Variants in TM2D1 observed in about 807,000 individuals in gnomAD.
The protein encoded by TM2D1 is TM2 domain containing 1, also known as TM2 domain-containing protein 1.
Under a neutral mutation model 28.4 loss-of-function variants are expected in TM2D1, and 15 were observed. The observed-to-expected ratio is 0.53, with a 90% confidence interval of 0.35 to 0.81. The LOEUF is 0.81. Among genes scored for constraint, TM2D1 ranks in the 40% least tolerant of loss-of-function variants. The pLI is 0.01. For missense variants in TM2D1, 236 were observed against 254.9 expected (o/e 0.93, Z 0.50); for synonymous variants, 93 against 96.2 (o/e 0.97, Z 0.20).
intron 2 of TM2D1, among the ~76,000 whole-genome samples, chr1:61,710,125 C>T (rs1644466477): frequency 1.3e-5 from 2 of 152,030 alleles, no homozygotes; most frequent in Non-Finnish European, 1.5e-5. Flanking sequence ...CCTTTCAGAA[C>T]CTTCGATTCT....
intron 2 of TM2D1, among the ~76,000 whole-genome samples, chr1:61,713,482 C>CAAAAAAA (rs1408870622): frequency 3.4e-5 from 1 of 29,792 alleles, no homozygotes; most frequent in African/African-American, 1.3e-4. Context: ...CCCCGCAACT[C>CAAAAAAA]AAAAACAAAA....
rs574487006 is a variant in TM2D1, at chr1:61,714,210, C to T, written c.239-4773G>A. 1.4e-4 allele frequency among the ~76,000 whole-genome samples: 20 copies of T among 147,074 alleles called. No individual in the cohort carries two copies. In the South Asian group the frequency reaches 4.6e-3, roughly 34 times the overall value. On this transcript the variant is annotated intron_variant, in intron 2 of 6. Transcript: ENST00000606498. ...GCGCCCGGCCAAAAACCAAATATTTCTAGGTGAGTTGAAAATGCCTGGTAA... is the reference window on the plus strand; with the variant it reads ...GCGCCCGGCCAAAAACCAAATATTTTTAGGTGAGTTGAAAATGCCTGGTAA...
intron 2 of TM2D1, among the ~76,000 whole-genome samples, chr1:61,721,225 T>C (rs1334012963): frequency 1.3e-5 from 2 of 151,472 alleles, no homozygotes; most frequent in Non-Finnish European, 2.9e-5. Flanking sequence ...AGTGAGATCC[T>C]GTCTTAAAAA....
chr1:61,685,378 A>T (rs1644278013), intron 5 of TM2D1, among the ~76,000 whole-genome samples: 1 of 152,258 alleles, frequency 6.6e-6, no homozygotes, highest in South Asian at 2.1e-4. Context: ...AACTTATGAT[A>T]GAAAACTTAA....
intron 3 of TM2D1, among the ~76,000 whole-genome samples, chr1:61,708,093 G>A (rs1036508199): frequency 3.3e-5 from 5 of 152,104 alleles, no homozygotes; most frequent in African/African-American, 1.2e-4. Flanking sequence ...TAGAGACAGG[G>A]TCTCTACTCT....
At chr1:61,710,845 T>C (rs114361608) in intron 2 of TM2D1, among the ~76,000 whole-genome samples, 2,783 of 152,188 alleles carry the variant, frequency 0.018, 91 homozygotes, top group African/African-American at 0.065. Context: ...GCAAGAATAG[T>C]ACACTGAGAA....
At position 61,725,135 on chromosome 1, in the gene TM2D1, C is replaced by G. The variant is rs781204490; in HGVS notation, c.-15G>C. ...GCGGCCGCCATCTTGGAGACCGACACTTTCTCGCCACTTCCGCTTCCGCCT... is the reference window on the plus strand; with the variant it reads ...GCGGCCGCCATCTTGGAGACCGACAGTTTCTCGCCACTTCCGCTTCCGCCT... On this transcript the variant is annotated 5_prime_UTR_variant, in exon 1 of 7. Coordinates refer to ENST00000606498, the MANE Select transcript of TM2D1 (RefSeq NM_032027.3). The G allele has an allele frequency of 6.2e-7, 1 of 1,613,230 alleles. No homozygotes were observed. The highest frequency in any genetic ancestry group is 8.5e-7 in the Non-Finnish European group (1 of 1,179,794).
intron 3 of TM2D1, among the ~76,000 whole-genome samples, chr1:61,706,996 TG>T (rs1644446416): frequency 6.6e-6 from 1 of 152,226 alleles, no homozygotes. Context: ...GGCTCATGCC[TG>T]TGATCCCAGC....
chr1:61,686,535 C>G (rs1194824618), intron 5 of TM2D1, among the ~76,000 whole-genome samples: 3 of 151,898 alleles, frequency 2.0e-5, no homozygotes, highest in African/African-American at 7.3e-5. Flanking sequence ...CGGTGGTGCA[C>G]ACCTGTAATC....
At position 61,723,714 on chromosome 1, in the gene TM2D1, A is replaced by G. The variant is rs769270086; in HGVS notation, c.237T>C (p.His79=). The G allele has an allele frequency of 6.6e-6, 10 of 1,511,160 alleles. No homozygotes were observed. In the South Asian group the frequency reaches 1.3e-4, roughly 20 times the overall value. 93.6% of individuals were successfully genotyped at this position (1,511,160 alleles called of 1,614,324 possible). Residue 79 remains histidine, a splice_region_variant and synonymous_variant, in exon 2 of 7, where the codon CAT becomes CAC. Transcript: ENST00000606498. The part of the protein sequence containing the change: ...EPVNCTNYTA[H]VSCFPAPNIT... ...AAGACATGTTTCTTGAAGTCTTACC[A>G]TGAGCTGTGTAGTTTGTACAGTTAA...
Position 61,723,751 on chromosome 1 carries a change from G to T in TM2D1, c.200C>A (p.Thr67Lys). The change falls in exon 2 of 7, where the codon ACG becomes AAG. Residue 67 changes from threonine (T) to lysine (K), a missense_variant. Transcript: ENST00000606498. ...ICKDPKINDA[T>K]QEPVNCTNYT... ...GTTTGTACAGTTAACTGGTTCTTGC[G>T]TAGCGTCATTTATTTTTGGATCTTT... is the stretch of plus-strand genomic sequence containing the variant. 1 of 1,558,274 alleles carries T rather than the reference G, an allele frequency of 6.4e-7. No individual in the cohort carries two copies. The highest frequency in any genetic ancestry group is 8.7e-7 in the Non-Finnish European group (1 of 1,145,716).
chr1:61,681,944 T>C (rs1644248089), intron 6 of TM2D1, among the ~76,000 whole-genome samples: 1 of 152,210 alleles, frequency 6.6e-6, no homozygotes. Context: ...AAGAGGTAGA[T>C]GGATCTCTAA....
intron 5 of TM2D1, among the ~76,000 whole-genome samples, chr1:61,691,443 T>C (rs1322656692): frequency 3.0e-5 from 4 of 132,232 alleles, no homozygotes; most frequent in Admixed American, 2.8e-4. Context: ...TGCAGTGGGC[T>C]GAGATCACAC....
At chr1:61,684,891 C>A (rs1280260193) in intron 5 of TM2D1, among the ~76,000 whole-genome samples, 1 of 152,196 alleles carries the variant, frequency 6.6e-6, no homozygotes, top group Non-Finnish European at 1.5e-5. Context: ...GATCCTCCCA[C>A]CTCAGCCTCC....
At chr1:61,707,871 A>G (rs1451918370) in intron 3 of TM2D1, among the ~76,000 whole-genome samples, 1 of 152,014 alleles carries the variant, frequency 6.6e-6, no homozygotes, top group Non-Finnish European at 1.5e-5. Context: ...ACAGTGGCTT[A>G]TTTCTTGAAA....
chr1:61,685,666 T>C (rs1342775624), intron 5 of TM2D1, among the ~76,000 whole-genome samples: 3 of 152,236 alleles, frequency 2.0e-5, no homozygotes, highest in Non-Finnish European at 4.4e-5. Context: ...TGTCAGGTGC[T>C]GTTATGCACA....
intron 2 of TM2D1, among the ~76,000 whole-genome samples, chr1:61,715,803 TA>T (rs1338707021): frequency 3.3e-5 from 5 of 151,444 alleles, no homozygotes; most frequent in Non-Finnish European, 5.9e-5. Context: ...TTTTTTTGTT[TA>T]TTTTTTTGTT....
intron 2 of TM2D1, among the ~76,000 whole-genome samples, chr1:61,714,877 G>C (rs772223282): frequency 6.6e-6 from 1 of 152,150 alleles, no homozygotes; most frequent in Non-Finnish European, 1.5e-5. Context: ...AGTACCAATT[G>C]TCCAAAATCT....
chr1:61,708,819 G>A (rs972380529), intron 3 of TM2D1, among the ~76,000 whole-genome samples: 3 of 151,416 alleles, frequency 2.0e-5, no homozygotes, highest in African/African-American at 4.9e-5. Flanking sequence ...CCCACATACT[G>A]GACTACTCAG....
Sources: gnomAD v4.1 joint callset for allele counts (sites outside exome capture counted in the v4.1 genomes callset) on GRCh38, gnomAD v4.1.1 for gene constraint, MANE v1.5 for transcripts, NCBI Gene and HGNC (gene_info 2026-07-23, HGNC 2026-07-21) for gene names.